Variants in CACNA1A observed in about 807,000 individuals in gnomAD.
CACNA1A encodes voltage-dependent P/Q-type calcium channel subunit alpha-1A.
In CACNA1A, 57 loss-of-function variants were observed where a neutral mutation model predicts 262.4. That is an observed-to-expected ratio of 0.22 (90% CI 0.18 to 0.27). The LOEUF (loss-of-function observed/expected upper bound fraction) is 0.27, where lower values mean the gene tolerates loss of function less well. Among genes scored for constraint, CACNA1A ranks in the 10% least tolerant of loss-of-function variants. CACNA1A has a pLI of 1.00. For synonymous variants in CACNA1A, 1,431 were observed against 1,419.3 expected (o/e 1.01, Z -0.18); for missense variants, 2,526 against 3,562.8 (o/e 0.71, Z 7.41).
intron 12 of CACNA1A, among the ~76,000 whole-genome samples, chr19:13,311,678 A>G (rs919181377): frequency 6.6e-6 from 1 of 152,086 alleles, no homozygotes; most frequent in South Asian, 2.1e-4. Flanking sequence ...TCTACTAAAA[A>G]TACAAAAAAT....
rs969544493 is a variant in CACNA1A at position 13,506,328 on chromosome 19, C to T, written c.-104G>A. 7.1e-6 allele frequency: 8 copies of T among 1,124,294 alleles called. No homozygotes were observed. The highest frequency in any genetic ancestry group is 1.7e-5 in the African/African-American group (1 of 60,198). The allele number at this position is 1,124,294 out of a possible 1,614,324, so 69.6% of individuals were successfully genotyped here. ...ATGCTGAGGCTGCCGGGGCTGGGAG[C>T]GCGGCGGCTGGAGCTACGACTGCGG... On this transcript the variant is annotated 5_prime_UTR_variant, in exon 1 of 47. Coordinates refer to ENST00000360228, the MANE Select transcript of CACNA1A (RefSeq NM_001127222.2).
intron 3 of CACNA1A, among the ~76,000 whole-genome samples, chr19:13,388,541 C>T (rs986092807): frequency 4.6e-5 from 7 of 152,116 alleles, no homozygotes; most frequent in Non-Finnish European, 1.0e-4. Context: ...CAGGCGTGAG[C>T]CACCCCCTGG....
intron 1 of CACNA1A, among the ~76,000 whole-genome samples, chr19:13,473,529 G>A (rs746085843): frequency 2.6e-5 from 4 of 152,178 alleles, no homozygotes; most frequent in Non-Finnish European, 4.4e-5. Flanking sequence ...ATAGTTCATG[G>A]CAATTTGTCC....
At chr19:13,259,810 T>C in intron 26 of CACNA1A, 109 bp from the exon 27 acceptor site, 1 of 1,240,756 alleles carries the variant, frequency 8.1e-7, no homozygotes, top group African/African-American at 1.5e-5. Context: ...TCCACCAGCC[T>C]AGACTGCTTG....
rs1227222328 is a variant in CACNA1A at position 13,406,419 on chromosome 19, G to A, written c.540-34640C>T. Among the ~76,000 whole-genome samples the A allele has an allele frequency of 2.2e-5, 3 of 137,654 alleles. No homozygotes were observed. The Admixed American group carries it at 2.3e-4, about 11-fold the overall frequency. 90.3% of individuals were successfully genotyped at this position (137,654 alleles called of 152,430 possible). ...GCAGTGAGCCAAGATCGCGACAATG[G>A]GCTTCAGCCTGGGTGACAGAGGGAG... On this transcript the variant is annotated intron_variant, in intron 3 of 46. Transcript: ENST00000360228.
intron 6 of CACNA1A, among the ~76,000 whole-genome samples, chr19:13,354,869 CTTTTTTTT>C (rs56350383): frequency 1.7e-5 from 2 of 115,076 alleles, no homozygotes; most frequent in East Asian, 3.5e-4. Flanking sequence ...TTTTCTTTTT[CTTTTTTTT>C]TTTTTTTTTT....
intron 3 of CACNA1A, among the ~76,000 whole-genome samples, chr19:13,405,426 G>A (rs557432941): frequency 1.3e-5 from 2 of 151,660 alleles, no homozygotes; most frequent in South Asian, 2.1e-4. Flanking sequence ...GGCTGGCCTC[G>A]AACTCCCGTG....
chr19:13,488,431 C>G (rs1381628804), intron 1 of CACNA1A, among the ~76,000 whole-genome samples: 1 of 128,982 alleles, frequency 7.8e-6, no homozygotes, highest in Non-Finnish European at 1.6e-5. Context: ...CAGAGTCCCA[C>G]TCTGTCACCC....
intron 1 of CACNA1A, among the ~76,000 whole-genome samples, chr19:13,465,569 C>T (rs936081296): frequency 9.9e-5 from 15 of 152,122 alleles, no homozygotes; most frequent in South Asian, 2.1e-4. Context: ...ACTGCAGCCT[C>T]GGCCTCCTGG....
intron 6 of CACNA1A, among the ~76,000 whole-genome samples, chr19:13,349,027 A>AGAG (rs1555771362): frequency 7.3e-6 from 1 of 137,740 alleles, no homozygotes; most frequent in Non-Finnish European, 1.5e-5. Context: ...AAAAAAAAAA[A>AGAG]AGAGAGACAA....
chr19:13,410,968 T>C (rs1296271811), intron 3 of CACNA1A, among the ~76,000 whole-genome samples: 1 of 152,136 alleles, frequency 6.6e-6, no homozygotes, highest in East Asian at 1.9e-4. Flanking sequence ...CTGGGTGCTC[T>C]CCTGCATCTA....
intron 6 of CACNA1A, among the ~76,000 whole-genome samples, chr19:13,353,295 TTTTG>T (rs1356313727): frequency 1.5e-5 from 2 of 134,816 alleles, no homozygotes; most frequent in Non-Finnish European, 3.2e-5. Context: ...ATTTTTGTAT[TTTTG>T]TTTTTTTTTT....
chr19:13,267,307 G>A (rs1344119085), intron 24 of CACNA1A, among the ~76,000 whole-genome samples: 2 of 152,152 alleles, frequency 1.3e-5, no homozygotes, highest in African/African-American at 4.8e-5. Flanking sequence ...TCCCGCCCGG[G>A]CAGCAGTTGG....
intron 1 of CACNA1A, among the ~76,000 whole-genome samples, chr19:13,502,299 C>T (rs895035388): frequency 1.3e-5 from 2 of 152,122 alleles, no homozygotes; most frequent in African/African-American, 2.4e-5. Context: ...TGGAATTCTA[C>T]GTGTAATTCA....
At chr19:13,503,967 G>A (rs1017243214) in intron 1 of CACNA1A, among the ~76,000 whole-genome samples, 5 of 152,056 alleles carry the variant, frequency 3.3e-5, no homozygotes, top group African/African-American at 1.2e-4. Flanking sequence ...CCTCCAATCT[G>A]CAGGATTCAG....
chr19:13,341,110 A>T (rs2058669331), intron 6 of CACNA1A, among the ~76,000 whole-genome samples: 1 of 152,204 alleles, frequency 6.6e-6, no homozygotes, highest in African/African-American at 2.4e-5. Flanking sequence ...GTAAATAATA[A>T]GAAAAGGAGA....
chr19:13,442,904 C>T (rs1432590829), intron 3 of CACNA1A, among the ~76,000 whole-genome samples: 1 of 152,150 alleles, frequency 6.6e-6, no homozygotes, highest in Non-Finnish European at 1.5e-5. Context: ...CAAACTTGAC[C>T]TTAGAGAAAT....
intron 3 of CACNA1A, among the ~76,000 whole-genome samples, chr19:13,374,231 T>G (rs2059369278): frequency 6.6e-6 from 1 of 152,012 alleles, no homozygotes; most frequent in Non-Finnish European, 1.5e-5. Flanking sequence ...GACATACAAC[T>G]TTACAAAAAA....
At position 13,506,434 on chromosome 19, in the gene CACNA1A, G is replaced by C. The variant is rs944393382; in HGVS notation, c.-210C>G. ...GGCTCAGAAGGCGGCTGCCCGGGCC[G>C]AGCCGGGGATAGCAGCTCGGGACAT... On this transcript the variant is annotated 5_prime_UTR_variant, in exon 1 of 47. Transcript: ENST00000360228. 2.4e-4 allele frequency: 92 copies of C among 384,038 alleles called. 1 individual carries two copies. The highest frequency in any genetic ancestry group is 1.8e-3 in the African/African-American group (85 of 47,328). The allele number at this position is 384,038 out of a possible 1,614,324, so 23.8% of individuals were successfully genotyped here.
Sources: allele counts gnomAD v4.1 joint callset (sites outside exome capture counted in the v4.1 genomes callset), GRCh38; gene constraint gnomAD v4.1.1; transcripts MANE v1.5; gene names NCBI Gene and HGNC (gene_info 2026-07-23, HGNC 2026-07-21).